EDN1: variants seen among roughly 807,000 people sequenced by gnomAD.
EDN1 encodes endothelin 1, also known as endothelin-1.
In EDN1, 11 loss-of-function variants were observed where a neutral mutation model predicts 21.7. The ratio of observed to expected loss-of-function variants is 0.51; its 90% CI spans 0.32 to 0.84. The LOEUF is 0.84. Among genes scored for constraint, EDN1 ranks in the 40% least tolerant of loss-of-function variants. The probability of loss-of-function intolerance (pLI) is 0.03; values close to 1 mark genes in which losing one functional copy is unlikely to be tolerated. For missense variants in EDN1, 244 were observed against 262.3 expected, an observed-to-expected ratio of 0.93 and a Z score of 0.48; for synonymous variants, 85 against 90.6, an observed-to-expected ratio of 0.94 and a Z score of 0.35.
At chr6:12,238,845 A>C in the EDN1 span, among the ~76,000 whole-genome samples, 1 of 152,240 alleles carries the variant, frequency 6.6e-6, no homozygotes, top group Non-Finnish European at 1.5e-5. Context: ...AGTGAAGATG[A>C]ATTAGAAATT....
chr6:12,279,085 A>G, the EDN1 span, among the ~76,000 whole-genome samples: 1 of 152,124 alleles, frequency 6.6e-6, no homozygotes, highest in Admixed American at 6.5e-5. Flanking sequence ...TCATAAAATC[A>G]CTGTAGTCAT....
intron 2 of EDN1, among the ~76,000 whole-genome samples, chr6:12,293,108 C>T (rs996730439): frequency 6.6e-6 from 1 of 152,182 alleles, no homozygotes; most frequent in African/African-American, 2.4e-5. Flanking sequence ...TCTCTTTCAC[C>T]TACAGAGAAG....
the EDN1 span, among the ~76,000 whole-genome samples, chr6:12,255,526 T>C: frequency 6.6e-6 from 1 of 152,244 alleles, no homozygotes; most frequent in Non-Finnish European, 1.5e-5. Context: ...TCACCATGAC[T>C]ATTTATAAGA....
chr6:12,246,976 A>G, the EDN1 span, among the ~76,000 whole-genome samples: 125,166 of 152,242 alleles, frequency 0.82, 51,810 homozygotes, highest in East Asian at 0.96. Flanking sequence ...AACACCAGCT[A>G]GTGCATAGAA....
chr6:12,260,692 G>A, the EDN1 span, among the ~76,000 whole-genome samples: 1 of 151,880 alleles, frequency 6.6e-6, no homozygotes, highest in Non-Finnish European at 1.5e-5. Context: ...TTGCCCCCCT[G>A]TCCCTCTGGA....
chr6:12,279,305 G>A, the EDN1 span, among the ~76,000 whole-genome samples: 4 of 152,136 alleles, frequency 2.6e-5, no homozygotes, highest in Non-Finnish European at 5.9e-5. Context: ...GGGGAGGTAT[G>A]TCCCTGACAC....
At chr6:12,290,724 G>T in intron 1 of EDN1, 31 bp downstream of exon 1, 1 of 1,593,382 alleles carries the variant, frequency 6.3e-7, no homozygotes, top group Non-Finnish European at 8.6e-7. Context: ...GTAAGTCTCG[G>T]AATTACAAGT....
chr6:12,240,583 G>C, the EDN1 span, among the ~76,000 whole-genome samples: 2 of 152,138 alleles, frequency 1.3e-5, no homozygotes, highest in East Asian at 3.9e-4. Context: ...ACCTGATAAA[G>C]AGCATGGAAT....
chr6:12,256,798 A>C, the EDN1 span, among the ~76,000 whole-genome samples: 1 of 152,248 alleles, frequency 6.6e-6, no homozygotes, highest in Non-Finnish European at 1.5e-5. Flanking sequence ...AATTGTTTGC[A>C]TACTAGTACT....
the EDN1 span, among the ~76,000 whole-genome samples, chr6:12,283,290 A>G: frequency 6.6e-6 from 1 of 152,200 alleles, no homozygotes; most frequent in South Asian, 2.1e-4. Flanking sequence ...CTTTTACTAA[A>G]TTAGAGTTTG....
the EDN1 span, among the ~76,000 whole-genome samples, chr6:12,273,352 T>C: frequency 2.0e-5 from 3 of 152,152 alleles, no homozygotes; most frequent in African/African-American, 4.8e-5. Flanking sequence ...TTCTGAAATG[T>C]GGTCTTTTCT....
rs1762818004 is a variant in EDN1, at chr6:12,296,111, C to G, written c.*44C>G. ...CTGAAGCCATAGCCTCCACGGAGAG[C>G]CCTGTGGCCGACTCTGCACTCTCCA... On this transcript the variant is annotated 3_prime_UTR_variant, in exon 5 of 5. Coordinates refer to ENST00000379375, the MANE Select transcript of EDN1 (RefSeq NM_001955.5). 7.1e-6 allele frequency: 11 copies of G among 1,559,306 alleles called. No homozygotes were observed. In the East Asian group the frequency reaches 2.5e-4, roughly 35 times the overall value.
At chr6:12,294,221 A>G in intron 3 of EDN1, 40 bp from the exon 4 acceptor site, 7 of 1,614,020 alleles carry the variant, frequency 4.3e-6, no homozygotes, top group Non-Finnish European at 5.9e-6. Context: ...AAAGCTGAAT[A>G]TAACATTGCT....
At chr6:12,274,923 G>C in the EDN1 span, among the ~76,000 whole-genome samples, 1 of 146,928 alleles carries the variant, frequency 6.8e-6, no homozygotes, top group African/African-American at 2.5e-5. Flanking sequence ...AAAGCTTTTT[G>C]AATTATTTCT....
At chr6:12,258,305 C>T in the EDN1 span, among the ~76,000 whole-genome samples, 1 of 150,316 alleles carries the variant, frequency 6.7e-6, no homozygotes, top group Non-Finnish European at 1.5e-5. Flanking sequence ...AAAAAATTAG[C>T]TGGTGTGGCG....
At chr6:12,268,652 C>T in the EDN1 span, among the ~76,000 whole-genome samples, 2 of 152,242 alleles carry the variant, frequency 1.3e-5, no homozygotes, top group African/African-American at 4.8e-5. Context: ...TCTGTATCCT[C>T]TATCCTGTTC....
chr6:12,249,751 A>G, the EDN1 span, among the ~76,000 whole-genome samples: 1 of 152,044 alleles, frequency 6.6e-6, no homozygotes, highest in African/African-American at 2.4e-5. Context: ...CAGAGTCCTT[A>G]TTTGCAAGGC....
chr6:12,258,030 G>A, the EDN1 span, among the ~76,000 whole-genome samples: 14 of 151,916 alleles, frequency 9.2e-5, no homozygotes, highest in Admixed American at 6.6e-4. Flanking sequence ...ATTCTGACAC[G>A]ATTACTACTA....
At chr6:12,273,554 A>G in the EDN1 span, among the ~76,000 whole-genome samples, 1 of 151,936 alleles carries the variant, frequency 6.6e-6, no homozygotes, top group African/African-American at 2.4e-5. Flanking sequence ...TTCCTTTTAA[A>G]AGGATATATT....
Sources: gnomAD v4.1 joint callset for allele counts (sites outside exome capture counted in the v4.1 genomes callset) on GRCh38, gnomAD v4.1.1 for gene constraint, MANE v1.5 for transcripts, NCBI Gene and HGNC (gene_info 2026-07-23, HGNC 2026-07-21) for gene names.